Variants in RCOR3 observed in about 807,000 individuals in gnomAD.
The protein encoded by RCOR3 is REST corepressor 3.
Under a neutral mutation model 64.1 loss-of-function variants are expected in RCOR3, and 13 were observed. That is an observed-to-expected ratio of 0.20 (90% CI 0.13 to 0.32). The LOEUF (loss-of-function observed/expected upper bound fraction) is 0.32. Among genes scored for constraint, RCOR3 ranks in the 10% least tolerant of loss-of-function variants. RCOR3 has a pLI of 1.00. For synonymous variants in RCOR3, 215 were observed against 239.0 expected (o/e 0.90, Z 0.93); for missense variants, 489 against 701.2 (o/e 0.70, Z 3.42).
chr1:211,269,743 C>T (rs1695830163), intron 2 of RCOR3, among the ~76,000 whole-genome samples: 1 of 151,974 alleles, frequency 6.6e-6, no homozygotes, highest in Non-Finnish European at 1.5e-5. Context: ...GCATAGCTAT[C>T]TCAGGCCTTC....
At chr1:211,260,566 G>T (rs1313168553) in intron 2 of RCOR3, among the ~76,000 whole-genome samples, 1 of 152,264 alleles carries the variant, frequency 6.6e-6, no homozygotes, top group Non-Finnish European at 1.5e-5. Context: ...GGCGCCGAGG[G>T]CCGCGCTCTG....
intron 9 of RCOR3, among the ~76,000 whole-genome samples, chr1:211,300,740 C>T (rs1700292191): frequency 6.6e-6 from 1 of 152,178 alleles, no homozygotes; most frequent in South Asian, 2.1e-4. Flanking sequence ...TTAGCAATAG[C>T]AAGTGCAGTA....
Position 211,313,899 on chromosome 1 carries a change from A to G in RCOR3, c.*131A>G. On this transcript the variant is annotated 3_prime_UTR_variant, in exon 12 of 12. Coordinates refer to ENST00000419091, the MANE Select transcript of RCOR3 (RefSeq NM_001136223.3). This position sits in a 1 kb window ranked among gnomAD's most constrained non-coding sequence, Gnocchi z 4.7. Reference sequence around the variant, plus strand: ...CTGCGAACTAGTTCTGTGGCAGTGGACTAGCATAAGTGGATGTCTAAGAAA... The same window carrying G: ...CTGCGAACTAGTTCTGTGGCAGTGGGCTAGCATAAGTGGATGTCTAAGAAA... 1.2e-6 allele frequency: 1 copy of G among 865,046 alleles called. No individual in the cohort carries two copies. Among genetic ancestry groups the G allele is most frequent in the Non-Finnish European group, 1.7e-6 (1 of 575,412 alleles). The allele number at this position is 865,046 out of a possible 1,614,324, so 53.6% of individuals were successfully genotyped here. A position where few individuals can be genotyped will look rare whatever the true frequency, so the allele number is the denominator to read the frequency against.
intron 7 of RCOR3, among the ~76,000 whole-genome samples, chr1:211,287,827 G>A (rs553147851): frequency 2.0e-5 from 3 of 152,162 alleles, no homozygotes; most frequent in South Asian, 4.2e-4. Context: ...ACAGTGAGCC[G>A]AGATCGTGCC....
Position 211,287,490 on chromosome 1 carries a change from A to G in RCOR3, c.721-1688A>G, listed in dbSNP as rs528212179. Among the ~76,000 whole-genome samples, 18 of 152,316 alleles carry G rather than the reference A, an allele frequency of 1.2e-4. No homozygotes were observed. In the South Asian group the frequency reaches 3.7e-3, roughly 32 times the overall value. ...AGACTTTAAAAAATGTTTGATCAGC[A>G]ATTTTAGTAGTGCCCTACTGGGAGG... is the stretch of plus-strand genomic sequence containing the variant. On this transcript the variant is annotated intron_variant, in intron 7 of 11. Coordinates refer to ENST00000419091, the MANE Select transcript of RCOR3 (RefSeq NM_001136223.3).
chr1:211,294,832 G>C (rs570638939), intron 8 of RCOR3, among the ~76,000 whole-genome samples: 2 of 151,754 alleles, frequency 1.3e-5, no homozygotes, highest in Non-Finnish European at 2.9e-5. Context: ...CTCGTGATCC[G>C]CCTGCCTTGG....
intron 3 of RCOR3, among the ~76,000 whole-genome samples, chr1:211,272,783 G>A (rs540683538): frequency 1.4e-4 from 21 of 150,272 alleles, no homozygotes; most frequent in Non-Finnish European, 2.4e-4. Flanking sequence ...CACTACGCCC[G>A]GCTAATTTTT....
At chr1:211,265,981 G>C (rs61150750) in intron 2 of RCOR3, among the ~76,000 whole-genome samples, 5,079 of 152,016 alleles carry the variant, frequency 0.033, 269 homozygotes, top group African/African-American at 0.12. Flanking sequence ...AGTGAGAGAA[G>C]GGTATTTGTG....
intron 7 of RCOR3, among the ~76,000 whole-genome samples, chr1:211,280,423 C>T (rs553513055): frequency 6.6e-6 from 1 of 152,220 alleles, no homozygotes; most frequent in Non-Finnish European, 1.5e-5. Flanking sequence ...TCATTTGTAT[C>T]CCCTAACACT....
At chr1:211,284,335 C>A (rs999890866) in intron 7 of RCOR3, among the ~76,000 whole-genome samples, 7 of 152,116 alleles carry the variant, frequency 4.6e-5, no homozygotes, top group African/African-American at 1.7e-4. Flanking sequence ...CCGCCTCAGC[C>A]TCCCAAAGTG....
chr1:211,269,554 G>A (rs539758330), intron 2 of RCOR3, among the ~76,000 whole-genome samples: 2 of 151,986 alleles, frequency 1.3e-5, no homozygotes, highest in East Asian at 1.9e-4. Context: ...CTGAGGTCAC[G>A]CCATTGCACT....
intron 7 of RCOR3, among the ~76,000 whole-genome samples, chr1:211,287,169 CTT>C (rs970449081): frequency 5.9e-5 from 9 of 152,042 alleles, no homozygotes; most frequent in African/African-American, 1.9e-4. Flanking sequence ...TCTTGGGAGA[CTT>C]TTTTTTGGTT....
At chr1:211,259,772 C>G (rs1693849480) in intron 1 of RCOR3, 46 bp downstream of exon 1, 1 of 1,384,276 alleles carries the variant, frequency 7.2e-7, no homozygotes, top group Non-Finnish European at 9.5e-7. Flanking sequence ...GCCCCCCTCC[C>G]TCTTCCCCTC....
intron 7 of RCOR3, among the ~76,000 whole-genome samples, chr1:211,282,357 A>G (rs1697925642): frequency 6.6e-6 from 1 of 152,242 alleles, no homozygotes; most frequent in South Asian, 2.1e-4. Flanking sequence ...CTGCTTCTGC[A>G]TGTTGTTAAC....
Position 211,259,460 on chromosome 1 carries a change from C to T in RCOR3, c.-101C>T, listed in dbSNP as rs1224831672. The T allele has an allele frequency of 2.9e-5, 35 of 1,207,342 alleles. No individual in the cohort carries two copies. Among genetic ancestry groups the T allele is most frequent in the Non-Finnish European group, 3.2e-5 (28 of 874,608 alleles). 74.8% of individuals were successfully genotyped at this position (1,207,342 alleles called of 1,614,324 possible). A position where few individuals can be genotyped will look rare whatever the true frequency, so the allele number is the denominator to read the frequency against. ...CCTCCTCCGCCGCCGCCGCCGTCTC[C>T]TCCTCCTCCTCCTTTCCCTCCCGCC... On this transcript the variant is annotated 5_prime_UTR_variant, in exon 1 of 12. Coordinates refer to ENST00000419091, the MANE Select transcript of RCOR3 (RefSeq NM_001136223.3).
At chr1:211,306,085 T>G (rs756882739) in intron 10 of RCOR3, among the ~76,000 whole-genome samples, 3 of 152,134 alleles carry the variant, frequency 2.0e-5, no homozygotes, top group Non-Finnish European at 4.4e-5. Flanking sequence ...CATTTTTGGG[T>G]TTTTGTTGTT....
intron 8 of RCOR3, among the ~76,000 whole-genome samples, chr1:211,295,066 T>TTTTTTTTTTTTTTTTTG (rs1553259603): frequency 8.8e-6 from 1 of 113,316 alleles, no homozygotes; most frequent in Non-Finnish European, 1.8e-5. Context: ...TTTTTTTTTT[T>TTTTTTTTTTTTTTTTTG]TCATAGAGAC....
At chr1:211,283,392 G>C (rs1301920712) in intron 7 of RCOR3, among the ~76,000 whole-genome samples, 5 of 152,202 alleles carry the variant, frequency 3.3e-5, no homozygotes, top group Admixed American at 3.3e-4. Context: ...CTCTATTTTA[G>C]GGAATAGCCA....
At chr1:211,310,968 C>T (rs1159783571) in intron 10 of RCOR3, among the ~76,000 whole-genome samples, 1 of 152,132 alleles carries the variant, frequency 6.6e-6, no homozygotes, top group Non-Finnish European at 1.5e-5. Flanking sequence ...TATTTGGTTT[C>T]TAATTAGTAG....
Sources: allele counts gnomAD v4.1 joint callset (sites outside exome capture counted in the v4.1 genomes callset), GRCh38; gene constraint gnomAD v4.1.1; non-coding constraint Gnocchi (gnomAD v3.1); transcripts MANE v1.5; gene names NCBI Gene and HGNC (gene_info 2026-07-23, HGNC 2026-07-21).